UBR3: variants seen among roughly 807,000 people sequenced by gnomAD.
UBR3 encodes E3 ubiquitin-protein ligase UBR3.
In UBR3, 85 loss-of-function variants were observed where a neutral mutation model predicts 243.2. The ratio of observed to expected loss-of-function variants is 0.35; its 90% CI spans 0.29 to 0.42. The LOEUF is 0.42. UBR3 is among the 10% of genes least tolerant of loss of function. The pLI is 1.00. For synonymous variants in UBR3, 748 were observed against 799.8 expected (o/e 0.94, Z 1.09); for missense variants, 1,686 against 2,300.8 (o/e 0.73, Z 5.47).
chr2:169,959,426 A>G (rs1372893901), intron 24 of UBR3, among the ~76,000 whole-genome samples: 1 of 151,690 alleles, frequency 6.6e-6, no homozygotes. Context: ...TTGACTTTCC[A>G]CTTGTGGCAT....
intron 26 of UBR3, among the ~76,000 whole-genome samples, chr2:169,998,761 GAC>G (rs1362024654): frequency 2.6e-5 from 4 of 152,178 alleles, no homozygotes; most frequent in African/African-American, 9.7e-5. Flanking sequence ...AGTTATATAA[GAC>G]AGTGCATTCA....
intron 1 of UBR3, among the ~76,000 whole-genome samples, chr2:169,838,061 G>T (rs1228198316): frequency 2.0e-5 from 3 of 152,116 alleles, no homozygotes; most frequent in African/African-American, 7.2e-5. Context: ...GCTGTTCTTG[G>T]TTCCTGTTTT....
intron 32 of UBR3, among the ~76,000 whole-genome samples, chr2:170,054,223 C>T (rs7572721): frequency 0.27 from 41,161 of 151,454 alleles, 5,795 homozygotes; most frequent in South Asian, 0.41. Context: ...CCCTTCTGAG[C>T]TCAAGTGATC....
At chr2:170,060,680 T>C (rs2105446645) in intron 33 of UBR3, among the ~76,000 whole-genome samples, 1 of 152,256 alleles carries the variant, frequency 6.6e-6, no homozygotes, top group East Asian at 1.9e-4. Flanking sequence ...GGTAACTCCC[T>C]CAGTCTTGCT....
At chr2:169,975,218 G>T (rs73017642) in intron 24 of UBR3, among the ~76,000 whole-genome samples, 14,764 of 152,064 alleles carry the variant, frequency 0.097, 851 homozygotes, top group African/African-American at 0.16. Flanking sequence ...TTGATCCATT[G>T]GTTGTTCAGG....
Position 169,827,936 on chromosome 2 carries a change from G to T in UBR3, c.429G>T (p.Ser143=). 1.8e-5 allele frequency: 27 copies of T among 1,485,512 alleles called. No individual in the cohort carries two copies. Among genetic ancestry groups the T allele is most frequent in the Non-Finnish European group, 2.4e-5 (27 of 1,117,266 alleles). 92.0% of individuals were successfully genotyped at this position (1,485,512 alleles called of 1,614,324 possible). A position where few individuals can be genotyped will look rare whatever the true frequency, so the allele number is the denominator to read the frequency against. ...CRTCGISPCM[S]LCAECFHQGD... is the part of the protein sequence containing the mutation. ...CGTGCGGCATCTCGCCCTGCATGTC[G>T]CTGTGCGCCGAGTGCTTCCACCAGG... The change falls in exon 1 of 39, where the codon TCG becomes TCT. Residue 143 remains serine, a synonymous_variant. Transcript: ENST00000272793.
intron 1 of UBR3, among the ~76,000 whole-genome samples, chr2:169,861,201 C>T (rs2083076228): frequency 6.6e-6 from 1 of 152,230 alleles, no homozygotes. Flanking sequence ...AATACTCTCA[C>T]AGATACACCC....
At chr2:169,856,162 G>A (rs1288456296) in intron 1 of UBR3, among the ~76,000 whole-genome samples, 8 of 151,700 alleles carry the variant, frequency 5.3e-5, no homozygotes, top group African/African-American at 9.7e-5. Flanking sequence ...ACGGGGTGGC[G>A]GCGGGGCAGA....
intron 30 of UBR3, among the ~76,000 whole-genome samples, chr2:170,017,186 A>C (rs562940828): frequency 1.3e-5 from 2 of 150,192 alleles, no homozygotes; most frequent in East Asian, 3.9e-4. Context: ...CTTCCAGTGC[A>C]ACTTCAGTGG....
intron 30 of UBR3, among the ~76,000 whole-genome samples, chr2:170,017,534 CACACA>C (rs2090275407): frequency 2.3e-5 from 1 of 44,316 alleles, no homozygotes; most frequent in African/African-American, 7.5e-5. Context: ...CACACACACA[CACACA>C]CACACAGACA....
chr2:169,935,771 TTATTC>T (rs1250172974), intron 19 of UBR3, among the ~76,000 whole-genome samples: 1 of 152,308 alleles, frequency 6.6e-6, no homozygotes, highest in South Asian at 2.1e-4. Flanking sequence ...TTCATTTGCA[TTATTC>T]TATTAATGCT....
At chr2:170,022,661 A>G (rs913466339) in intron 30 of UBR3, among the ~76,000 whole-genome samples, 1 of 152,192 alleles carries the variant, frequency 6.6e-6, no homozygotes, top group East Asian at 1.9e-4. Flanking sequence ...ATGATCAAAT[A>G]GTATTAGATA....
chr2:170,058,584 C>T (rs1241993078), intron 33 of UBR3, among the ~76,000 whole-genome samples: 1 of 149,748 alleles, frequency 6.7e-6, no homozygotes, highest in Non-Finnish European at 1.5e-5. Flanking sequence ...GGCATGATCA[C>T]AGCTCACTGC....
At chr2:169,957,298 A>T (rs1021140990) in intron 23 of UBR3, among the ~76,000 whole-genome samples, 1 of 151,654 alleles carries the variant, frequency 6.6e-6, no homozygotes, top group Non-Finnish European at 1.5e-5. Flanking sequence ...ACCAGTTGCA[A>T]TTAAAATATT....
chr2:169,977,695 A>G (rs533199097), intron 24 of UBR3, among the ~76,000 whole-genome samples: 3 of 152,296 alleles, frequency 2.0e-5, no homozygotes, highest in African/African-American at 7.2e-5. Flanking sequence ...CTCGCCCACA[A>G]TGATGGCAGA....
chr2:169,892,251 T>C (rs1174970628), intron 6 of UBR3, among the ~76,000 whole-genome samples: 1 of 152,216 alleles, frequency 6.6e-6, no homozygotes. Context: ...AGAACCTGTA[T>C]GTCTGAAGGA....
At chr2:169,982,403 A>C (rs1289596586) in intron 24 of UBR3, among the ~76,000 whole-genome samples, 2 of 152,054 alleles carry the variant, frequency 1.3e-5, no homozygotes, top group Non-Finnish European at 2.9e-5. Flanking sequence ...AGGTTAAGAA[A>C]GGCAAAGGCT....
intron 10 of UBR3, among the ~76,000 whole-genome samples, chr2:169,913,714 C>T (rs10197717): frequency 0.27 from 40,828 of 151,828 alleles, 5,697 homozygotes; most frequent in East Asian, 0.42. Flanking sequence ...TTGTCAGCCC[C>T]AAAGAAACTC....
At chr2:170,053,019 C>T (rs1018192758) in intron 32 of UBR3, among the ~76,000 whole-genome samples, 1 of 152,130 alleles carries the variant, frequency 6.6e-6, no homozygotes, top group Non-Finnish European at 1.5e-5. Context: ...AAAGATCATT[C>T]TGGCTGGAAT....
Sources: allele counts gnomAD v4.1 joint callset (sites outside exome capture counted in the v4.1 genomes callset), GRCh38; gene constraint gnomAD v4.1.1; transcripts MANE v1.5; gene names NCBI Gene and HGNC (gene_info 2026-07-23, HGNC 2026-07-21).